CSTL1: variants seen among roughly 807,000 people sequenced by gnomAD.
The protein encoded by CSTL1 is cystatin-like 1.
In CSTL1, 14 loss-of-function variants were observed where a neutral mutation model predicts 14.4. That is an observed-to-expected ratio of 0.97 (90% CI 0.64 to 1.52). The LOEUF is 1.52. CSTL1 is among the 40% of genes most tolerant of loss of function. The pLI is 0.00. For missense variants in CSTL1, 170 were observed against 168.7 expected (o/e 1.01, Z -0.04); for synonymous variants, 72 against 67.5 (o/e 1.07, Z -0.33).
downstream of CSTL1, chr20:23,444,978 C>A: frequency 1.3e-6 from 1 of 789,098 alleles, no homozygotes; most frequent in Non-Finnish European, 2.2e-6. Flanking sequence ...CACACATGCA[C>A]ACACAGAGTG....
downstream of CSTL1, among the ~76,000 whole-genome samples, chr20:23,448,945 A>C (rs1177647401): frequency 6.6e-6 from 1 of 152,220 alleles, no homozygotes; most frequent in Non-Finnish European, 1.5e-5. Context: ...AGATGAAGAC[A>C]TTGTAGGTTA....
chr20:23,444,765 C>T lies in CSTL1; in HGVS notation c.331-6C>T. 3.8e-6 allele frequency: 6 copies of T among 1,590,432 alleles called. No individual in the cohort carries two copies. The highest frequency in any genetic ancestry group is 5.2e-6 in the Non-Finnish European group (6 of 1,158,420). Reference sequence around the variant, plus strand: ...CCCAAAGTCTGTTTTCTTTCTTCTTCTACAGAGTTTAATTTGCGAGTCTTT... The same window carrying T: ...CCCAAAGTCTGTTTTCTTTCTTCTTTTACAGAGTTTAATTTGCGAGTCTTT... On this transcript the variant is annotated splice_polypyrimidine_tract_variant and splice_region_variant and intron_variant, in intron 3 of 3. Transcript: ENST00000347397.
chr20:23,446,554 C>A (rs1358582036), downstream of CSTL1, among the ~76,000 whole-genome samples: 1 of 152,224 alleles, frequency 6.6e-6, no homozygotes, highest in Non-Finnish European at 1.5e-5. Flanking sequence ...CTGCGCCCAG[C>A]CTGCAAGCAG....
downstream of CSTL1, among the ~76,000 whole-genome samples, chr20:23,448,189 T>C (rs1373106302): frequency 4.6e-5 from 7 of 152,190 alleles, no homozygotes; most frequent in Non-Finnish European, 1.0e-4. Context: ...TTAAACACAA[T>C]TTCATATTGA....
chr20:23,441,343 T>C (rs1049083588), intron 2 of CSTL1, among the ~76,000 whole-genome samples: 18 of 152,190 alleles, frequency 1.2e-4, no homozygotes, highest in Non-Finnish European at 2.5e-4. Context: ...GTTTTACATA[T>C]AAAATTTCTC....
At chr20:23,451,876 C>T in the CSTL1 span, 1 of 1,614,068 alleles carries the variant, frequency 6.2e-7, no homozygotes, top group Non-Finnish European at 8.5e-7. Context: ...GGCAGGTGGT[C>T]CACTGCATTT....
the CSTL1 span, among the ~76,000 whole-genome samples, chr20:23,455,815 G>A: frequency 1.3e-5 from 2 of 152,242 alleles, no homozygotes; most frequent in African/African-American, 4.8e-5. Flanking sequence ...CTCGTCAGTG[G>A]CCCGTGGGTT....
At chr20:23,450,521 G>A in the CSTL1 span, 122 of 1,611,772 alleles carry the variant, frequency 7.6e-5, no homozygotes, top group East Asian at 1.8e-3. Context: ...CACTGCTGCA[G>A]CTTTTGTTCA....
downstream of CSTL1, among the ~76,000 whole-genome samples, chr20:23,446,219 C>T (rs192876150): frequency 3.9e-5 from 6 of 152,114 alleles, no homozygotes; most frequent in African/African-American, 1.2e-4. Context: ...TCTCAAACTC[C>T]ATCCAAGGCC....
chr20:23,457,396 G>A, the CSTL1 span, among the ~76,000 whole-genome samples: 242 of 152,148 alleles, frequency 1.6e-3, no homozygotes, highest in Non-Finnish European at 2.7e-3. Context: ...AAAATTTTAC[G>A]TTCTTCTCTG....
chr20:23,450,484 G>T, the CSTL1 span: 6 of 1,528,388 alleles, frequency 3.9e-6, no homozygotes, highest in Admixed American at 3.5e-5. Flanking sequence ...TGCAGTGGCC[G>T]CAGTTGTACA....
downstream of CSTL1, among the ~76,000 whole-genome samples, chr20:23,449,218 C>G (rs1247908937): frequency 6.6e-6 from 1 of 152,202 alleles, no homozygotes. Context: ...CTTGACTTCC[C>G]TGTGCCCTTT....
At chr20:23,456,434 C>T in the CSTL1 span, among the ~76,000 whole-genome samples, 1 of 152,156 alleles carries the variant, frequency 6.6e-6, no homozygotes, top group East Asian at 1.9e-4. Context: ...TTTTTAGGGC[C>T]CCTCTGTGTC....
At chr20:23,457,740 C>T in the CSTL1 span, 1 of 152,196 alleles carries the variant, frequency 6.6e-6, no homozygotes, top group Non-Finnish European at 1.5e-5. Context: ...ACAATTTGGT[C>T]ACATTCAATG....
At chr20:23,443,042 A>C (rs891939412) in intron 2 of CSTL1, among the ~76,000 whole-genome samples, 1 of 152,196 alleles carries the variant, frequency 6.6e-6, no homozygotes, top group Non-Finnish European at 1.5e-5. Flanking sequence ...AGCCATGGGG[A>C]AATCCCTGGC....
the CSTL1 span, chr20:23,459,304 G>A: frequency 2.0e-5 from 3 of 152,220 alleles, no homozygotes; most frequent in Admixed American, 2.0e-4. Flanking sequence ...CTCCACCATT[G>A]ACCAGCTGGG....
At chr20:23,440,571 G>C in intron 2 of CSTL1, 85 bp downstream of exon 2, 2 of 1,018,968 alleles carry the variant, frequency 2.0e-6, no homozygotes, top group South Asian at 2.6e-5. Flanking sequence ...GCTCCCAAGA[G>C]AACCAAGTGG....
At chr20:23,455,738 C>T in the CSTL1 span, among the ~76,000 whole-genome samples, 7 of 152,328 alleles carry the variant, frequency 4.6e-5, no homozygotes, top group Non-Finnish European at 7.4e-5. Context: ...CCAAAGAAGC[C>T]GGGCCAGGAG....
chr20:23,441,753 T>TA (rs1401986431), intron 2 of CSTL1, among the ~76,000 whole-genome samples: 6 of 152,070 alleles, frequency 3.9e-5, no homozygotes, highest in African/African-American at 1.4e-4. Context: ...CATCCACAGA[T>TA]ATGGAGCTCG....
Sources: allele counts gnomAD v4.1 joint callset (sites outside exome capture counted in the v4.1 genomes callset), GRCh38; gene constraint gnomAD v4.1.1; transcripts MANE v1.5; gene names NCBI Gene and HGNC (gene_info 2026-07-23, HGNC 2026-07-21).